CFAP299: variants seen among roughly 807,000 people sequenced by gnomAD.
CFAP299 encodes the protein cilia and flagella associated protein 299.
Under a neutral mutation model 27.0 loss-of-function variants are expected in CFAP299, and 21 were observed. The observed-to-expected ratio is 0.78, with a 90% confidence interval of 0.55 to 1.12. The LOEUF is 1.12. Among genes scored for constraint, CFAP299 ranks in the 50% most tolerant of loss-of-function variants. The pLI is 0.00. For missense variants in CFAP299, 310 were observed against 276.6 expected (o/e 1.12, Z -0.86); for synonymous variants, 104 against 98.1 (o/e 1.06, Z -0.36).
At chr4:80,770,150 A>C (rs1167551016) in intron 3 of CFAP299, among the ~76,000 whole-genome samples, 1 of 152,152 alleles carries the variant, frequency 6.6e-6, no homozygotes, top group Non-Finnish European at 1.5e-5. Context: ...AGCTAATATA[A>C]TGTTCTCGAG....
intron 3 of CFAP299, among the ~76,000 whole-genome samples, chr4:80,849,188 T>G (rs931371878): frequency 6.6e-6 from 1 of 152,156 alleles, no homozygotes; most frequent in African/African-American, 2.4e-5. Flanking sequence ...TTTATTATTT[T>G]TTCTTTACTT....
chr4:80,464,093 T>G (rs1056752271), intron 2 of CFAP299, among the ~76,000 whole-genome samples: 1 of 152,158 alleles, frequency 6.6e-6, no homozygotes, highest in Non-Finnish European at 1.5e-5. Context: ...GTAAATTTTT[T>G]TTTTAAATGC....
rs75779863 is a variant in CFAP299, at chr4:80,606,740, G to A, written c.333+23557G>A. ...GTTTGTGATATAAGTTCATACAAAT[G>A]TGCTTCAGTCTTTTTAAAGGTTGAA... On this transcript the variant is annotated intron_variant, in intron 3 of 5. Transcript: ENST00000358105. Among the ~76,000 whole-genome samples, 1,223 of 152,106 alleles carry A rather than the reference G, an allele frequency of 8.0e-3. 8 individuals carry two copies. Among genetic ancestry groups the A allele is most frequent in the Middle Eastern group, 0.014 (4 of 294 alleles).
At chr4:80,644,297 T>C (rs1255535865) in intron 3 of CFAP299, among the ~76,000 whole-genome samples, 1 of 152,046 alleles carries the variant, frequency 6.6e-6, no homozygotes, top group African/African-American at 2.4e-5. Context: ...TTGGAAGGGG[T>C]GGGTTATGGA....
chr4:80,810,360 A>T (rs531669584), intron 3 of CFAP299, among the ~76,000 whole-genome samples: 198 of 151,814 alleles, frequency 1.3e-3, no homozygotes, highest in Non-Finnish European at 2.0e-3. Context: ...TGACACACAC[A>T]CACACACACA....
intron 3 of CFAP299, among the ~76,000 whole-genome samples, chr4:80,815,693 GC>G (rs1484587509): frequency 1.3e-5 from 2 of 151,870 alleles, no homozygotes; most frequent in Non-Finnish European, 2.9e-5. Flanking sequence ...ATATTGTGGA[GC>G]CCTGAAATAA....
intron 4 of CFAP299, among the ~76,000 whole-genome samples, chr4:80,944,216 A>G (rs989765759): frequency 6.6e-6 from 1 of 152,204 alleles, no homozygotes; most frequent in African/African-American, 2.4e-5. Context: ...CAAGACTTTA[A>G]TGATGCTAGT....
chr4:80,619,607 T>C (rs1738470561), intron 3 of CFAP299, among the ~76,000 whole-genome samples: 1 of 152,078 alleles, frequency 6.6e-6, no homozygotes, highest in South Asian at 2.1e-4. Flanking sequence ...TCAATACTGT[T>C]GAAGGGCTGA....
chr4:80,330,002 G>A, the CFAP299 span, among the ~76,000 whole-genome samples: 1 of 152,076 alleles, frequency 6.6e-6, no homozygotes, highest in East Asian at 1.9e-4. Flanking sequence ...CATTATTTGA[G>A]TTTATTATGT....
At chr4:80,631,452 A>G (rs1046851309) in intron 3 of CFAP299, among the ~76,000 whole-genome samples, 1 of 152,242 alleles carries the variant, frequency 6.6e-6, no homozygotes, top group African/African-American at 2.4e-5. Context: ...ATATTAAAAG[A>G]AAAAATATAT....
At chr4:80,380,636 C>T (rs532016520) in intron 2 of CFAP299, among the ~76,000 whole-genome samples, 2 of 152,170 alleles carry the variant, frequency 1.3e-5, no homozygotes, top group South Asian at 2.1e-4. Flanking sequence ...GCCATGTTGG[C>T]CAGGCTGGTC....
intron 3 of CFAP299, among the ~76,000 whole-genome samples, chr4:80,750,441 T>A (rs927312174): frequency 6.6e-6 from 1 of 152,186 alleles, no homozygotes; most frequent in African/African-American, 2.4e-5. Flanking sequence ...CACTGAAATA[T>A]ATGAACAAGA....
intron 3 of CFAP299, among the ~76,000 whole-genome samples, chr4:80,854,810 GAAAAA>G (rs58533748): frequency 0.034 from 1,489 of 43,294 alleles, 13 homozygotes; most frequent in African/African-American, 0.1. Flanking sequence ...CTGTTGCTAT[GAAAAA>G]AAAAAAAAAA....
At chr4:80,512,483 G>T (rs1206665928) in intron 2 of CFAP299, among the ~76,000 whole-genome samples, 1 of 152,056 alleles carries the variant, frequency 6.6e-6, no homozygotes, top group Non-Finnish European at 1.5e-5. Context: ...TTATATTTTG[G>T]ATTCAACTGA....
chr4:80,486,821 C>T lies in CFAP299; in HGVS notation c.243-96272C>T, dbSNP rs115823567. 5.1e-3 allele frequency among the ~76,000 whole-genome samples: 781 copies of T among 152,308 alleles called. 3 individuals carry two copies. The highest frequency in any genetic ancestry group is 7.7e-3 in the Non-Finnish European group (523 of 68,014). ...AGGGGGCAGCTTTGATTCACAGATC[C>T]GTTAAAAAGCCCACCTGCATTTAGT... On this transcript the variant is annotated intron_variant, in intron 2 of 5. Transcript: ENST00000358105.
At chr4:80,354,484 T>C (rs1723162350) in intron 1 of CFAP299, among the ~76,000 whole-genome samples, 1 of 152,200 alleles carries the variant, frequency 6.6e-6, no homozygotes, top group African/African-American at 2.4e-5. Flanking sequence ...CTTTATTAAT[T>C]ACAACATATT....
chr4:80,337,387 C>T (rs1578327355), intron 1 of CFAP299, among the ~76,000 whole-genome samples: 1 of 151,392 alleles, frequency 6.6e-6, no homozygotes, highest in African/African-American at 2.4e-5. Context: ...ATTTGTGTTT[C>T]ATCAATCAGA....
chr4:80,892,233 T>C (rs1734344369), intron 4 of CFAP299, among the ~76,000 whole-genome samples: 1 of 152,060 alleles, frequency 6.6e-6, no homozygotes, highest in Non-Finnish European at 1.5e-5. Context: ...TTTTCCACCG[T>C]GGTGCCAAAA....
At position 80,918,476 on chromosome 4, in the gene CFAP299, G is replaced by A. The variant is rs184467020; in HGVS notation, c.477-26334G>A. ...ACAGAAACGTTTATTGTGTTTTCCC[G>A]ACAATGTTCATGTGGCAGTTAGGTA... On this transcript the variant is annotated intron_variant, in intron 4 of 5. Coordinates refer to ENST00000358105, the MANE Select transcript of CFAP299 (RefSeq NM_152770.3). 4.1e-3 allele frequency among the ~76,000 whole-genome samples: 619 copies of A among 152,058 alleles called. 1 individual carries two copies. Among genetic ancestry groups the A allele is most frequent in the Middle Eastern group, 0.014 (4 of 294 alleles).
Sources: allele counts gnomAD v4.1 joint callset (sites outside exome capture counted in the v4.1 genomes callset), GRCh38; gene constraint gnomAD v4.1.1; transcripts MANE v1.5; gene names NCBI Gene and HGNC (gene_info 2026-07-23, HGNC 2026-07-21).